ITFG1: variants seen among roughly 807,000 people sequenced by gnomAD.
The protein encoded by ITFG1 is integrin alpha FG-GAP repeat containing 1.
A neutral mutation model predicts 81.8 loss-of-function variants in ITFG1; 34 were observed. That is an observed-to-expected ratio of 0.42 (90% CI 0.32 to 0.55). The LOEUF (loss-of-function observed/expected upper bound fraction) is 0.55, where lower values mean the gene tolerates loss of function less well. ITFG1 is among the 20% of genes least tolerant of loss of function. The pLI is 0.17. For synonymous variants in ITFG1, 285 were observed against 270.6 expected (o/e 1.05, Z -0.52); for missense variants, 672 against 755.4 (o/e 0.89, Z 1.29).
intron 8 of ITFG1, among the ~76,000 whole-genome samples, chr16:47,360,906 G>A (rs1968100541): frequency 6.6e-6 from 1 of 152,134 alleles, no homozygotes; most frequent in Admixed American, 6.5e-5. Flanking sequence ...CAACTTTAAT[G>A]TGGGGTGTCC....
intron 6 of ITFG1, among the ~76,000 whole-genome samples, chr16:47,421,917 G>A (rs1968955537): frequency 6.6e-6 from 1 of 152,178 alleles, no homozygotes; most frequent in Non-Finnish European, 1.5e-5. Flanking sequence ...CTGTGAGTGA[G>A]AACATGTGGT....
chr16:47,410,735 C>T (rs781376018), intron 6 of ITFG1, among the ~76,000 whole-genome samples: 3 of 152,154 alleles, frequency 2.0e-5, no homozygotes, highest in Non-Finnish European at 1.5e-5. Flanking sequence ...CTACAAGACA[C>T]CCCACAACCC....
intron 6 of ITFG1, among the ~76,000 whole-genome samples, chr16:47,423,183 T>G (rs188019642): frequency 1.2e-4 from 19 of 152,300 alleles, no homozygotes; most frequent in African/African-American, 4.6e-4. Context: ...TGTAGTGGCC[T>G]TCTTTGTCTC....
chr16:47,205,717 AAC>A (rs1403181277), intron 14 of ITFG1, among the ~76,000 whole-genome samples: 7 of 152,158 alleles, frequency 4.6e-5, no homozygotes, highest in African/African-American at 1.7e-4. Flanking sequence ...TCATCCTAGG[AAC>A]ACACACAGAG....
At chr16:47,162,839 A>T in intron 14 of ITFG1, 175 bp from the exon 15 acceptor site, 1 of 507,848 alleles carries the variant, frequency 2.0e-6, no homozygotes, top group Non-Finnish European at 3.4e-6. Context: ...TTTTTTTGAG[A>T]CATGGTCTCA....
intron 14 of ITFG1, among the ~76,000 whole-genome samples, chr16:47,182,603 G>A (rs968291870): frequency 6.6e-6 from 1 of 152,158 alleles, no homozygotes; most frequent in Non-Finnish European, 1.5e-5. Context: ...GATGCTTAAA[G>A]GTACAAAAAC....
chr16:47,295,968 G>A (rs1162040031), intron 10 of ITFG1, among the ~76,000 whole-genome samples: 1 of 152,120 alleles, frequency 6.6e-6, no homozygotes, highest in East Asian at 1.9e-4. Context: ...GCACAATCGT[G>A]ACTTATTGCA....
intron 8 of ITFG1, among the ~76,000 whole-genome samples, chr16:47,315,680 A>G (rs1967343165): frequency 6.6e-6 from 1 of 152,072 alleles, no homozygotes; most frequent in South Asian, 2.1e-4. Flanking sequence ...CATGCACTTT[A>G]GTATAAATTA....
chr16:47,207,335 C>T (rs1025322752), intron 14 of ITFG1, among the ~76,000 whole-genome samples: 3 of 152,186 alleles, frequency 2.0e-5, no homozygotes, highest in Non-Finnish European at 4.4e-5. Context: ...CCGCCCATCT[C>T]GGCCTCCCAA....
intron 13 of ITFG1, among the ~76,000 whole-genome samples, chr16:47,223,741 T>C (rs964279908): frequency 2.0e-5 from 3 of 152,204 alleles, no homozygotes; most frequent in African/African-American, 7.2e-5. Context: ...CTATAAATCA[T>C]GCTGCTATAA....
At chr16:47,337,926 C>G (rs1394310123) in intron 8 of ITFG1, among the ~76,000 whole-genome samples, 1 of 152,226 alleles carries the variant, frequency 6.6e-6, no homozygotes, top group African/African-American at 2.4e-5. Context: ...TCTGCAAAGA[C>G]TGGGAAATAT....
At chr16:47,261,715 C>T (rs1200583958) in intron 10 of ITFG1, among the ~76,000 whole-genome samples, 2 of 152,144 alleles carry the variant, frequency 1.3e-5, no homozygotes, top group Non-Finnish European at 1.5e-5. Context: ...CTCTGTCACC[C>T]AGCTGGAGTG....
intron 5 of ITFG1, among the ~76,000 whole-genome samples, chr16:47,441,009 C>T (rs1969241732): frequency 6.6e-6 from 1 of 152,156 alleles, no homozygotes; most frequent in Admixed American, 6.5e-5. Context: ...GGGGATATCA[C>T]CACCGATGGT....
At chr16:47,418,571 G>A (rs550387703) in intron 6 of ITFG1, among the ~76,000 whole-genome samples, 2 of 152,088 alleles carry the variant, frequency 1.3e-5, no homozygotes, top group African/African-American at 4.8e-5. Flanking sequence ...TATCATGGTG[G>A]GGGGACTAAT....
intron 6 of ITFG1, among the ~76,000 whole-genome samples, chr16:47,400,244 C>T (rs778611415): frequency 6.6e-6 from 1 of 152,126 alleles, no homozygotes; most frequent in Non-Finnish European, 1.5e-5. Flanking sequence ...CTACTAGAGA[C>T]CAGGTGCAGT....
At chr16:47,243,075 T>C (rs1965955363) in intron 12 of ITFG1, among the ~76,000 whole-genome samples, 1 of 152,186 alleles carries the variant, frequency 6.6e-6, no homozygotes, top group African/African-American at 2.4e-5. Context: ...AGGATATTCA[T>C]TACAGCACTA....
chr16:47,240,604 G>A (rs559057334), intron 12 of ITFG1, among the ~76,000 whole-genome samples: 1 of 152,290 alleles, frequency 6.6e-6, no homozygotes, highest in South Asian at 2.1e-4. Context: ...GCATGCCCAT[G>A]TTCATGGCAG....
intron 5 of ITFG1, among the ~76,000 whole-genome samples, chr16:47,446,066 A>G (rs947615747): frequency 1.3e-5 from 2 of 152,320 alleles, no homozygotes; most frequent in East Asian, 3.9e-4. Flanking sequence ...AAGAAAAAAA[A>G]AAGAGGCAAC....
chr16:47,423,738 G>A (rs1227030700), intron 6 of ITFG1, among the ~76,000 whole-genome samples: 1 of 151,686 alleles, frequency 6.6e-6, no homozygotes, highest in Non-Finnish European at 1.5e-5. Flanking sequence ...AATTCTTTAA[G>A]AATGTTGAAC....
Sources: gnomAD v4.1 joint callset for allele counts (sites outside exome capture counted in the v4.1 genomes callset) on GRCh38, gnomAD v4.1.1 for gene constraint, MANE v1.5 for transcripts, NCBI Gene and HGNC (gene_info 2026-07-23, HGNC 2026-07-21) for gene names.